Variants in PTPRD observed in about 807,000 individuals in gnomAD.
PTPRD encodes protein tyrosine phosphatase receptor type D.
PTPRD carries 34 observed loss-of-function variants against 214.5 expected under a neutral mutation model. That is an observed-to-expected ratio of 0.16 (90% CI 0.12 to 0.21). PTPRD has a LOEUF of 0.21. PTPRD is among the 10% of genes least tolerant of loss of function. The probability of loss-of-function intolerance (pLI) is 1.00; values close to 1 mark genes in which losing one functional copy is unlikely to be tolerated. For missense variants in PTPRD, 2,545 were observed against 2,398.7 expected (o/e 1.06, Z -1.27); for synonymous variants, 1,128 against 845.7 (o/e 1.33, Z -5.79).
chr9:9,767,960 T>C (rs2098720033), intron 5 of PTPRD, among the ~76,000 whole-genome samples: 1 of 152,176 alleles, frequency 6.6e-6, no homozygotes, highest in East Asian at 1.9e-4. Context: ...CTGTGTGTTC[T>C]AGAATGCTCC....
chr9:10,134,485 C>T (rs1319474751), intron 3 of PTPRD, among the ~76,000 whole-genome samples: 3 of 152,134 alleles, frequency 2.0e-5, no homozygotes, highest in African/African-American at 7.2e-5. Context: ...TAACTGCTGG[C>T]CATTGTTCTT....
intron 35 of PTPRD, among the ~76,000 whole-genome samples, chr9:8,412,407 A>C (rs896151346): frequency 5.3e-5 from 8 of 152,186 alleles, no homozygotes; most frequent in Non-Finnish European, 1.2e-4. Flanking sequence ...TTAGTGTTTT[A>C]GTAAATTAGG....
chr9:10,140,676 G>A (rs2098978083), intron 3 of PTPRD, among the ~76,000 whole-genome samples: 1 of 152,038 alleles, frequency 6.6e-6, no homozygotes, highest in Non-Finnish European at 1.5e-5. Context: ...GGTACAAGGA[G>A]GAACTGGTAC....
chr9:8,671,592 T>C (rs1387499375), intron 12 of PTPRD, among the ~76,000 whole-genome samples: 1 of 152,130 alleles, frequency 6.6e-6, no homozygotes, highest in African/African-American at 2.4e-5. Context: ...TAGCCAAATA[T>C]TTTATCTGTA....
chr9:9,787,950 T>A (rs2098937897), intron 5 of PTPRD, among the ~76,000 whole-genome samples: 1 of 151,362 alleles, frequency 6.6e-6, no homozygotes, highest in African/African-American at 2.4e-5. Flanking sequence ...CCTGGCTAAT[T>A]TTTTGTGTTT....
chr9:9,272,169 G>C (rs1032623378), intron 9 of PTPRD, among the ~76,000 whole-genome samples: 2 of 150,976 alleles, frequency 1.3e-5, no homozygotes, highest in Admixed American at 1.3e-4. Flanking sequence ...AAATATACTT[G>C]AAACTGCATA....
intron 8 of PTPRD, among the ~76,000 whole-genome samples, chr9:9,482,803 G>C (rs2095474120): frequency 6.6e-6 from 1 of 152,146 alleles, no homozygotes; most frequent in Non-Finnish European, 1.5e-5. Flanking sequence ...GCAGCATTTT[G>C]TTTTGTTCTA....
At chr9:8,962,879 C>A (rs1215311830) in intron 11 of PTPRD, 5 of 151,996 alleles carry the variant, frequency 3.3e-5, no homozygotes, top group African/African-American at 4.8e-5. Flanking sequence ...TCTGATAACA[C>A]TGAGGTGATA....
At chr9:9,349,083 A>G (rs2050089169) in intron 9 of PTPRD, among the ~76,000 whole-genome samples, 1 of 152,066 alleles carries the variant, frequency 6.6e-6, no homozygotes, top group African/African-American at 2.4e-5. Context: ...TGTGAAGAGG[A>G]GATCCATTAT....
chr9:8,331,045 C>G (rs1840119926), intron 44 of PTPRD, among the ~76,000 whole-genome samples: 1 of 146,860 alleles, frequency 6.8e-6, no homozygotes, highest in African/African-American at 2.7e-5. Context: ...ATAAAATGCT[C>G]TAGAAACTAT....
At chr9:10,543,521 T>TAC (rs199937702) in intron 2 of PTPRD, among the ~76,000 whole-genome samples, 9 of 129,874 alleles carry the variant, frequency 6.9e-5, no homozygotes, top group South Asian at 2.5e-4. Context: ...CACACACACG[T>TAC]ACACACACAC....
intron 3 of PTPRD, among the ~76,000 whole-genome samples, chr9:10,168,917 T>A (rs1360629692): frequency 2.6e-5 from 4 of 152,210 alleles, no homozygotes; most frequent in Admixed American, 6.5e-5. Flanking sequence ...TAATTCTTTG[T>A]TTGTTTCCCT....
chr9:8,931,368 T>G (rs10453213), intron 11 of PTPRD, among the ~76,000 whole-genome samples: 1 of 151,642 alleles, frequency 6.6e-6, no homozygotes, highest in East Asian at 1.9e-4. Flanking sequence ...TCTCTAGCCT[T>G]GTAGTATAGT....
intron 4 of PTPRD, among the ~76,000 whole-genome samples, chr9:10,016,112 T>G (rs1480019354): frequency 6.6e-6 from 1 of 152,176 alleles, no homozygotes; most frequent in East Asian, 1.9e-4. Flanking sequence ...CATATGTGGT[T>G]GGTAAAGGTC....
chr9:9,568,342 C>T (rs546059132), intron 8 of PTPRD, among the ~76,000 whole-genome samples: 3 of 151,880 alleles, frequency 2.0e-5, no homozygotes, highest in South Asian at 2.1e-4. Context: ...GGAGGTCAAA[C>T]GATTAATTAT....
At chr9:9,132,100 C>G (rs913193070) in intron 10 of PTPRD, among the ~76,000 whole-genome samples, 1 of 152,080 alleles carries the variant, frequency 6.6e-6, no homozygotes, top group East Asian at 1.9e-4. Context: ...CTCCGCCTCC[C>G]GGGTTCACGC....
intron 10 of PTPRD, among the ~76,000 whole-genome samples, chr9:9,166,240 GA>G: frequency 6.6e-6 from 1 of 151,712 alleles, no homozygotes; most frequent in East Asian, 1.9e-4. Context: ...AGAGTTGAGA[GA>G]AACAAAAATA....
intron 7 of PTPRD, among the ~76,000 whole-genome samples, chr9:9,601,341 C>T (rs1270733963): frequency 6.6e-6 from 1 of 151,822 alleles, no homozygotes; most frequent in East Asian, 1.9e-4. Context: ...GCTAATTTTC[C>T]AGGAACAGTG....
At chr9:9,084,043 C>A (rs1372954677) in intron 10 of PTPRD, among the ~76,000 whole-genome samples, 1 of 152,110 alleles carries the variant, frequency 6.6e-6, no homozygotes, top group Non-Finnish European at 1.5e-5. Context: ...CCCAGCAATC[C>A]CATTTCTGGG....
Sources: allele counts gnomAD v4.1 joint callset (sites outside exome capture counted in the v4.1 genomes callset), GRCh38; gene constraint gnomAD v4.1.1; transcripts MANE v1.5; gene names NCBI Gene and HGNC (gene_info 2026-07-23, HGNC 2026-07-21).